P4HA1: variants seen among roughly 807,000 people sequenced by gnomAD.
P4HA1 encodes prolyl 4-hydroxylase subunit alpha 1, also known as prolyl 4-hydroxylase subunit alpha-1.
In P4HA1, 24 loss-of-function variants were observed where a neutral mutation model predicts 72.8. That is an observed-to-expected ratio of 0.33 (90% confidence interval 0.24 to 0.46). The LOEUF (loss-of-function observed/expected upper bound fraction) is 0.46, where lower values mean the gene tolerates loss of function less well. Ranked by LOEUF, P4HA1 falls within the 20% of genes least tolerant of loss-of-function variation. The pLI is 1.00. For synonymous variants in P4HA1, 201 were observed against 218.8 expected, an observed-to-expected ratio of 0.92 and a Z score of 0.72; for missense variants, 446 against 640.6, an observed-to-expected ratio of 0.70 and a Z score of 3.28.
chr10:73,017,037 C>A (rs1840020265), intron 10 of P4HA1, 138 bp from the exon 11 acceptor site: 4 of 577,424 alleles, frequency 6.9e-6, no homozygotes, highest in African/African-American at 1.9e-5. Context: ...TTAAAATCAA[C>A]AAGAGTTCCT....
intron 8 of P4HA1, 33 bp from the exon 9 acceptor site, chr10:73,045,084 C>A: frequency 6.3e-7 from 1 of 1,581,646 alleles, no homozygotes; most frequent in Non-Finnish European, 8.7e-7. Flanking sequence ...AGTTGCATTA[C>A]AAAACAAAAA....
At chr10:73,008,865 A>G (rs892123544) in intron 14 of P4HA1, among the ~76,000 whole-genome samples, 1 of 152,174 alleles carries the variant, frequency 6.6e-6, no homozygotes, top group Non-Finnish European at 1.5e-5. Flanking sequence ...CCCAGTCAAA[A>G]TATCTAAAGC....
chr10:73,045,086 A>G lies in P4HA1; in HGVS notation c.1078-35T>C, dbSNP rs1344421452. The G allele has an allele frequency of 1.9e-6, 3 of 1,558,280 alleles. No homozygotes were observed. In the East Asian group the frequency reaches 6.7e-5, roughly 35 times the overall value. ...CAACCATCAAAATAGTTGCATTACAAAACAAAAAACTGAATCACATTTACC... is the reference window on the plus strand; with the variant it reads ...CAACCATCAAAATAGTTGCATTACAGAACAAAAAACTGAATCACATTTACC... On this transcript the variant is annotated intron_variant, in intron 8 of 14. Transcript: ENST00000394890.
intron 7 of P4HA1, among the ~76,000 whole-genome samples, chr10:73,048,706 C>A (rs1007039229): frequency 2.0e-5 from 3 of 151,984 alleles, no homozygotes; most frequent in Non-Finnish European, 4.4e-5. Context: ...CTGCTTACTG[C>A]GGAAATTTGA....
chr10:73,056,815 G>C lies in P4HA1; in HGVS notation c.464-3225C>G, dbSNP rs1035204161. Among the ~76,000 whole-genome samples, 8 of 151,128 alleles carry C rather than the reference G, an allele frequency of 5.3e-5. No individual in the cohort carries two copies. In the East Asian group the frequency reaches 6.0e-4, roughly 11 times the overall value. ...GTGGCTCACGCCTGTAATCCCAGCAGTTTGGGAGGCTGAGGCAGGCGGATC... is the reference window on the plus strand; with the variant it reads ...GTGGCTCACGCCTGTAATCCCAGCACTTTGGGAGGCTGAGGCAGGCGGATC... On this transcript the variant is annotated intron_variant, in intron 5 of 14. Coordinates refer to ENST00000394890, the MANE Select transcript of P4HA1 (RefSeq NM_001017962.3).
intron 1 of P4HA1, among the ~76,000 whole-genome samples, chr10:73,094,241 G>A (rs964186929): frequency 6.6e-6 from 1 of 152,054 alleles, no homozygotes; most frequent in Non-Finnish European, 1.5e-5. Context: ...ATGTATTAGG[G>A]TCACCCACAT....
chr10:73,047,790 C>CT (rs561909126), intron 7 of P4HA1, among the ~76,000 whole-genome samples: 58 of 152,088 alleles, frequency 3.8e-4, no homozygotes, highest in Admixed American at 3.3e-4. Flanking sequence ...TGGCTCATGC[C>CT]TATAACCCCA....
chr10:73,038,623 T>C lies in P4HA1; in HGVS notation c.1148+6358A>G, dbSNP rs886839295. Among the ~76,000 whole-genome samples, 11 of 102,258 alleles carry C rather than the reference T, an allele frequency of 1.1e-4. 1 individual carries two copies. Among genetic ancestry groups the C allele is most frequent in the Non-Finnish European group, 1.7e-4 (9 of 53,716 alleles). The allele number at this position is 102,258 out of a possible 152,430, so 67.1% of individuals were successfully genotyped here. ...GTAAATTCTTAGGGTTTTTATTTGC[T>C]TTTTTTTTTTTTTTTTTTTTTGAGA... On this transcript the variant is annotated intron_variant, in intron 9 of 14. Transcript: ENST00000394890.
chr10:73,013,832 G>A (rs1057227476), intron 12 of P4HA1, among the ~76,000 whole-genome samples: 14 of 152,068 alleles, frequency 9.2e-5, no homozygotes, highest in South Asian at 8.3e-4. Context: ...CTTAATTTGC[G>A]CACTCTTCTG....
chr10:73,076,232 A>T (rs552685808), intron 1 of P4HA1, among the ~76,000 whole-genome samples: 98 of 152,050 alleles, frequency 6.4e-4, no homozygotes, highest in Non-Finnish European at 1.0e-3. Flanking sequence ...GGTTTGACTT[A>T]GTTTGTTTTT....
intron 6 of P4HA1, 148 bp from the exon 7 acceptor site, chr10:73,051,397 T>C (rs1182109013): frequency 7.1e-6 from 4 of 567,056 alleles, no homozygotes; most frequent in Non-Finnish European, 1.2e-5. Flanking sequence ...ATAAAAATTA[T>C]TATACCAAAA....
intron 11 of P4HA1, 72 bp downstream of exon 11, chr10:73,016,770 GTTTT>G: frequency 4.4e-6 from 5 of 1,127,454 alleles, no homozygotes; most frequent in Non-Finnish European, 6.7e-6. Context: ...GAGTGAGACT[GTTTT>G]TTTGTTTTGT....
chr10:73,069,299 TG>T (rs1207314494), intron 4 of P4HA1, among the ~76,000 whole-genome samples: 1 of 152,194 alleles, frequency 6.6e-6, no homozygotes, highest in Non-Finnish European at 1.5e-5. Flanking sequence ...GAAAACAAAG[TG>T]CATCCACTAA....
intron 1 of P4HA1, among the ~76,000 whole-genome samples, 160 bp from the exon 2 acceptor site, chr10:73,075,075 T>G (rs1003039215): frequency 2.0e-5 from 3 of 152,200 alleles, no homozygotes; most frequent in African/African-American, 7.2e-5. Context: ...ACTATCTTGT[T>G]TTTCATATAA....
chr10:73,055,833 G>GT (rs1841132991), intron 5 of P4HA1, among the ~76,000 whole-genome samples: 2 of 152,208 alleles, frequency 1.3e-5, no homozygotes, highest in African/African-American at 4.8e-5. Flanking sequence ...TATCTGCCAA[G>GT]TATTTGTCAC....
At chr10:73,035,345 G>A (rs564907209) in intron 9 of P4HA1, among the ~76,000 whole-genome samples, 3 of 152,166 alleles carry the variant, frequency 2.0e-5, no homozygotes, top group Admixed American at 6.5e-5. Flanking sequence ...GCAAGACCCC[G>A]TCTTTACAAA....
At chr10:73,044,902 T>C in intron 9 of P4HA1, 79 bp downstream of exon 9, 2 of 1,185,930 alleles carry the variant, frequency 1.7e-6, no homozygotes, top group South Asian at 2.7e-5. Context: ...AATGACCCAC[T>C]TTCCTTAAAT....
At chr10:73,050,640 C>T (rs964834360) in intron 7 of P4HA1, among the ~76,000 whole-genome samples, 1 of 150,106 alleles carries the variant, frequency 6.7e-6, no homozygotes, top group Non-Finnish European at 1.5e-5. Context: ...GCGGAATTTG[C>T]AGTGAGCCGA....
intron 10 of P4HA1, 120 bp from the exon 11 acceptor site, chr10:73,017,019 A>G: frequency 1.6e-6 from 1 of 630,422 alleles, no homozygotes; most frequent in South Asian, 1.9e-5. Context: ...CAGAGAAATG[A>G]AAAATATTTA....
Sources: gnomAD v4.1 joint callset for allele counts (sites outside exome capture counted in the v4.1 genomes callset) on GRCh38, gnomAD v4.1.1 for gene constraint, MANE v1.5 for transcripts, NCBI Gene and HGNC (gene_info 2026-07-23, HGNC 2026-07-21) for gene names.